Variants in FNDC1 observed in about 807,000 individuals in gnomAD.
FNDC1 encodes fibronectin type III domain-containing protein 1.
Under a neutral mutation model 168.0 loss-of-function variants are expected in FNDC1, and 96 were observed. That is an observed-to-expected ratio of 0.57 (90% CI 0.48 to 0.68). The LOEUF (loss-of-function observed/expected upper bound fraction) is 0.68, where lower values mean the gene tolerates loss of function less well. Ranked by LOEUF, FNDC1 falls within the 30% of genes least tolerant of loss-of-function variation. The probability of loss-of-function intolerance (pLI) is 0.00; values close to 1 mark genes in which losing one functional copy is unlikely to be tolerated. For missense variants in FNDC1, 2,587 were observed against 2,482.1 expected (o/e 1.04, Z -0.90); for synonymous variants, 1,099 against 1,025.9 (o/e 1.07, Z -1.36).
In FNDC1 at chr6:159,169,426, CGGCCGGGAGCGATCGCCGCG is replaced by C; in HGVS notation, c.-168_-149del. Reference sequence around the variant, plus strand: ...GTGGCGGAGCGCGGCTGCCGGTGTGCGGCCGGGAGCGATCGCCGCGGGGCAGGGGCGCGGCGGGCACCGCG... The same window carrying C: ...GTGGCGGAGCGCGGCTGCCGGTGTGCGGGCAGGGGCGCGGCGGGCACCGCG... On this transcript the variant is annotated 5_prime_UTR_variant, in exon 1 of 23. Transcript: ENST00000297267. This position sits in a 1 kb window ranked among gnomAD's most constrained non-coding sequence, Gnocchi z 6.8. 1 of 164,804 alleles carries C rather than the reference CGGCCGGGAGCGATCGCCGCG, an allele frequency of 6.1e-6. No individual in the cohort carries two copies. The highest frequency in any genetic ancestry group is 1.3e-5 in the Non-Finnish European group (1 of 78,228). 10.2% of individuals were successfully genotyped at this position (164,804 alleles called of 1,614,324 possible).
At chr6:159,176,240 T>G (rs1366339548) in intron 1 of FNDC1, among the ~76,000 whole-genome samples, 1 of 152,182 alleles carries the variant, frequency 6.6e-6, no homozygotes, top group East Asian at 1.9e-4. Context: ...CAGCTCTAAC[T>G]TTGTGTGAGT....
chr6:159,223,121 G>A (rs416395), intron 6 of FNDC1, among the ~76,000 whole-genome samples: 58,019 of 149,822 alleles, frequency 0.39, 14,225 homozygotes, highest in East Asian at 0.73. Flanking sequence ...TCAGCCTCCC[G>A]AGTATTTGGG....
At chr6:159,188,066 C>T (rs756771162) in intron 1 of FNDC1, among the ~76,000 whole-genome samples, 17 of 152,094 alleles carry the variant, frequency 1.1e-4, no homozygotes, top group Non-Finnish European at 1.9e-4. Context: ...AAGTATTTGG[C>T]GGTTTCCAAT....
In FNDC1 at chr6:159,233,741, G is replaced by A; in HGVS notation, c.3229G>A (p.Gly1077Ser). The change falls in exon 11 of 23, where the codon GGC becomes AGC. Residue 1077 changes from glycine (G) to serine (S), a missense_variant. By Grantham distance (56) the Gly-to-Ser change is moderately conservative. Coordinates refer to ENST00000297267, the MANE Select transcript of FNDC1 (RefSeq NM_032532.3). The surrounding 1 kb of genome is among the most constrained non-coding windows in gnomAD (Gnocchi z 4.6). ...CCAGAACCAGGACGAGGATGCCCAGGGCAGCTACGACGACGACAGCACAGA... is the reference window on the plus strand; with the variant it reads ...CCAGAACCAGGACGAGGATGCCCAGAGCAGCTACGACGACGACAGCACAGA... Reference protein sequence around the residue: ...ALQNQDEDAQGSYDDDSTEVE... With the variant: ...ALQNQDEDAQSSYDDDSTEVE... 6 of 1,549,232 alleles carry A rather than the reference G, an allele frequency of 3.9e-6. No homozygotes were observed. The highest frequency in any genetic ancestry group is 1.4e-5 in the African/African-American group (1 of 73,146).
intron 16 of FNDC1, among the ~76,000 whole-genome samples, chr6:159,249,426 T>G (rs1453420837): frequency 6.6e-6 from 1 of 152,224 alleles, no homozygotes; most frequent in Non-Finnish European, 1.5e-5. Flanking sequence ...GAGACTGCCT[T>G]GCATAGACTA....
chr6:159,246,964 A>T lies in FNDC1; in HGVS notation c.4685A>T (p.Asp1562Val). The T allele has an allele frequency of 6.2e-7, 1 of 1,608,854 alleles. No homozygotes were observed. Among genetic ancestry groups the T allele is most frequent in the Non-Finnish European group, 8.5e-7 (1 of 1,175,204 alleles). ...ACGGAAGAGGCCTACGTTATATATG[A>T]TGAAGGTACAAACTGGCTTTTGAAA... ...VPTEEAYVIY[D>V]EDYEFETSRP... Residue 1562 changes from aspartate (D) to valine (V), a missense_variant, in exon 15 of 23, where the codon GAT becomes GTT. By Grantham distance (152) the Asp-to-Val change is radical. Coordinates refer to ENST00000297267, the MANE Select transcript of FNDC1 (RefSeq NM_032532.3).
At chr6:159,183,899 G>T (rs766669695) in intron 1 of FNDC1, among the ~76,000 whole-genome samples, 1 of 152,210 alleles carries the variant, frequency 6.6e-6, no homozygotes, top group Admixed American at 6.5e-5. Context: ...TATGAATTCA[G>T]CTGCCACCAC....
chr6:159,222,700 TGGA>T (rs1228484564), intron 6 of FNDC1, among the ~76,000 whole-genome samples: 1 of 152,236 alleles, frequency 6.6e-6, no homozygotes, highest in African/African-American at 2.4e-5. Context: ...TAATCTGTCT[TGGA>T]CTCACACCTT....
At position 159,249,157 on chromosome 6, in the gene FNDC1, T is replaced by C; in HGVS notation, c.4809T>C (p.Asp1603=). 1 of 1,611,638 alleles carries C rather than the reference T, an allele frequency of 6.2e-7. No homozygotes were observed. Residue 1603 remains aspartate (D), a synonymous_variant, in exon 16 of 23, where the codon GAT becomes GAC. Coordinates refer to ENST00000297267, the MANE Select transcript of FNDC1 (RefSeq NM_032532.3). The stretch of plus-strand genomic sequence containing the variant: ...GTTCCTTTCCTGAAGAAGAATTTGA[T>C]CTGGCTGGAAGGAAACGATTTGTTG... ...AISSFPEEEF[D]LAGRKRFVAP...
At chr6:159,223,049 GCA>G (rs1782866648) in intron 6 of FNDC1, among the ~76,000 whole-genome samples, 5 of 143,506 alleles carry the variant, frequency 3.5e-5, no homozygotes, top group Admixed American at 1.5e-4. Flanking sequence ...AGGCTGGAGT[GCA>G]GTGGCATGAT....
chr6:159,174,525 C>G (rs1404871996), intron 1 of FNDC1, among the ~76,000 whole-genome samples: 24 of 152,400 alleles, frequency 1.6e-4, no homozygotes, highest in Admixed American at 1.5e-3. Context: ...TTAGCTGTCG[C>G]TGCGGCTTTA....
chr6:159,189,930 G>A (rs1006837493), intron 1 of FNDC1, among the ~76,000 whole-genome samples: 1 of 152,164 alleles, frequency 6.6e-6, no homozygotes, highest in African/African-American at 2.4e-5. Flanking sequence ...AGCATAAACT[G>A]GGCAAAATTT....
intron 8 of FNDC1, 123 bp downstream of exon 8, chr6:159,225,845 A>C (rs2114981327): frequency 1.2e-6 from 1 of 850,952 alleles, no homozygotes; most frequent in East Asian, 2.7e-5. Context: ...AAGTCATGTT[A>C]ATCCTAAATT....
intron 22 of FNDC1, among the ~76,000 whole-genome samples, chr6:159,270,838 T>C (rs1036039075): frequency 3.9e-5 from 6 of 152,228 alleles, no homozygotes; most frequent in Non-Finnish European, 7.3e-5. Flanking sequence ...ATGTCATCCA[T>C]CCAGGTCAGG....
In FNDC1 at chr6:159,249,142, TGAA is replaced by T. The variant is rs1206877543; in HGVS notation, c.4801_4803del (p.Glu1601del). 6.2e-7 allele frequency: 1 copy of T among 1,611,102 alleles called. No individual in the cohort carries two copies. Among genetic ancestry groups the T allele is most frequent in the Admixed American group, 1.7e-5 (1 of 59,730 alleles). Reference sequence around the variant, plus strand: ...AGGAAGGCGCCATCAGTTCCTTTCCTGAAGAAGAATTTGATCTGGCTGGAAGGA... The same window carrying T: ...AGGAAGGCGCCATCAGTTCCTTTCCTGAAGAATTTGATCTGGCTGGAAGGA... On this transcript the variant is annotated inframe_deletion, in exon 16 of 23. Transcript: ENST00000297267.
At position 159,233,321 on chromosome 6, in the gene FNDC1, C is replaced by A. The variant is rs758231463; in HGVS notation, c.2809C>A (p.His937Asn). 6.2e-7 allele frequency: 1 copy of A among 1,613,858 alleles called. No individual in the cohort carries two copies. Among genetic ancestry groups the A allele is most frequent in the South Asian group, 1.1e-5 (1 of 91,076 alleles). Residue 937 changes from histidine to asparagine, a missense_variant, in exon 11 of 23, where the codon CAT (histidine) becomes AAT (asparagine). Physicochemically the swap from His to Asn is moderately conservative, Grantham distance 68 (BLOSUM62 1). Transcript: ENST00000297267. This position sits in a 1 kb window ranked among gnomAD's most constrained non-coding sequence, Gnocchi z 4.6. ...CCCCAAATCCACAGGGGCAGATACA[C>A]ATCCTCAGGGCAAGTACTCCTCCCT... ...ENPKSTGADT[H>N]PQGKYSSLAS...
At chr6:159,259,344 CAT>C (rs1777433033) in intron 18 of FNDC1, among the ~76,000 whole-genome samples, 1 of 152,192 alleles carries the variant, frequency 6.6e-6, no homozygotes, top group Admixed American at 6.5e-5. Flanking sequence ...GGAATGGTCA[CAT>C]GTGAGTTTCT....
intron 6 of FNDC1, among the ~76,000 whole-genome samples, chr6:159,222,933 G>A (rs1330072466): frequency 6.9e-6 from 1 of 145,916 alleles, no homozygotes; most frequent in African/African-American, 2.5e-5. Context: ...CATCCCCTTT[G>A]TACTGTTTTA....
intron 22 of FNDC1, among the ~76,000 whole-genome samples, chr6:159,268,296 C>A (rs1457360593): frequency 6.6e-6 from 1 of 152,134 alleles, no homozygotes; most frequent in Non-Finnish European, 1.5e-5. Flanking sequence ...TACTAACTCT[C>A]TCGGCCTCCA....
Sources: gnomAD v4.1 joint callset for allele counts (sites outside exome capture counted in the v4.1 genomes callset) on GRCh38, gnomAD v4.1.1 for gene constraint, Gnocchi (gnomAD v3.1) non-coding constraint, MANE v1.5 for transcripts, NCBI Gene and HGNC (gene_info 2026-07-23, HGNC 2026-07-21) for gene names.